The following SLC16A6 variants were observed in gnomAD, a reference collection of about 807,000 sequenced individuals.
SLC16A6 encodes the protein solute carrier family 16 member 6, also known as monocarboxylate transporter 7.
SLC16A6 carries 15 observed loss-of-function variants against 33.8 expected under a neutral mutation model. The ratio of observed to expected loss-of-function variants is 0.44; its 90% CI spans 0.30 to 0.68. The LOEUF (loss-of-function observed/expected upper bound fraction) is 0.68, where lower values mean the gene tolerates loss of function less well. SLC16A6 is among the 30% of genes least tolerant of loss of function. The pLI, the probability that SLC16A6 is intolerant of heterozygous loss-of-function variation, is 0.10. For synonymous variants in SLC16A6, 219 were observed against 248.4 expected, an observed-to-expected ratio of 0.88 and a Z score of 1.11; for missense variants, 451 against 661.5, an observed-to-expected ratio of 0.68 and a Z score of 3.49.
chr17:68,289,393 G>A (rs1280255456), intron 1 of SLC16A6, among the ~76,000 whole-genome samples: 1 of 152,108 alleles, frequency 6.6e-6, no homozygotes, highest in African/African-American at 2.4e-5. Flanking sequence ...TTTGGCCCGA[G>A]GGCATGAAAA....
At chr17:68,275,373 A>G (rs2145015761) in intron 2 of SLC16A6, among the ~76,000 whole-genome samples, 1 of 152,314 alleles carries the variant, frequency 6.6e-6, no homozygotes, top group South Asian at 2.1e-4. Flanking sequence ...GTCTATATGT[A>G]TCTACTATGT....
At chr17:68,278,580 A>G (rs1370834966) in intron 1 of SLC16A6, among the ~76,000 whole-genome samples, 2 of 150,132 alleles carry the variant, frequency 1.3e-5, no homozygotes, top group Non-Finnish European at 3.0e-5. Flanking sequence ...GACTACAGGC[A>G]TGTGCCACCA....
intron 1 of SLC16A6, among the ~76,000 whole-genome samples, chr17:68,286,365 T>A (rs1555754357): frequency 6.6e-6 from 1 of 152,220 alleles, no homozygotes; most frequent in African/African-American, 2.4e-5. Flanking sequence ...CTTTTTCAAT[T>A]CCTTTTTGTA....
In SLC16A6 at chr17:68,278,258, T is replaced by G; in HGVS notation, c.63A>C (p.Gly21=). Reference sequence around the variant, plus strand: ...AAACAGCTACCGCCCAGCCCCATCCTCCATCAGGCACTTCAGTATACACAT... The same window carrying G: ...AAACAGCTACCGCCCAGCCCCATCCGCCATCAGGCACTTCAGTATACACAT... The part of the protein sequence containing the change: ...KANVYTEVPD[G]GWGWAVAVSF... Residue 21 remains glycine (G), a synonymous_variant, in exon 2 of 6, where the codon GGA becomes GGC. Transcript: ENST00000580666. 1.9e-6 allele frequency: 3 copies of G among 1,614,198 alleles called. No homozygotes were observed. The highest frequency in any genetic ancestry group is 2.5e-6 in the Non-Finnish European group (3 of 1,180,022).
At chr17:68,273,362 A>G (rs901628883) in intron 3 of SLC16A6, among the ~76,000 whole-genome samples, 1 of 152,050 alleles carries the variant, frequency 6.6e-6, no homozygotes, top group South Asian at 2.1e-4. Flanking sequence ...AGCTGGGACC[A>G]CAGGCACGCA....
intron 1 of SLC16A6, 104 bp from the exon 2 acceptor site, chr17:68,278,431 T>A (rs1195327845): frequency 1.5e-6 from 1 of 677,370 alleles, no homozygotes; most frequent in Admixed American, 2.9e-5. Context: ...ACCCCATTTC[T>A]TAAGTTGTTG....
At chr17:68,290,407 T>G (rs1476239599) in intron 1 of SLC16A6, among the ~76,000 whole-genome samples, 1 of 152,240 alleles carries the variant, frequency 6.6e-6, no homozygotes, top group Non-Finnish European at 1.5e-5. Flanking sequence ...GCTACGGAAC[T>G]GCTTGGCGAC....
chr17:68,286,935 G>A (rs922963463), intron 1 of SLC16A6, among the ~76,000 whole-genome samples: 1 of 152,214 alleles, frequency 6.6e-6, no homozygotes, highest in East Asian at 1.9e-4. Context: ...TAGCTAGCTG[G>A]TCATTGCTTA....
chr17:68,274,817 G>C (rs2145006508), intron 2 of SLC16A6, among the ~76,000 whole-genome samples: 1 of 147,770 alleles, frequency 6.8e-6, no homozygotes, highest in Admixed American at 6.7e-5. Flanking sequence ...TTTTGCTCTT[G>C]TTTTCTAGGC....
At chr17:68,283,373 T>C (rs1026791736) in intron 1 of SLC16A6, among the ~76,000 whole-genome samples, 1 of 151,548 alleles carries the variant, frequency 6.6e-6, no homozygotes. Flanking sequence ...ACAAAAAAAT[T>C]AGCCAGGCGT....
At chr17:68,291,173 A>G (rs570369169), upstream of SLC16A6, 1 of 152,000 alleles carries the variant, frequency 6.6e-6, no homozygotes, top group Admixed American at 6.5e-5. Flanking sequence ...GCTCGGTAAC[A>G]TGAGAAAAGG....
At chr17:68,277,971 G>T in intron 2 of SLC16A6, 118 bp downstream of exon 2, 10 of 671,336 alleles carry the variant, frequency 1.5e-5, no homozygotes, top group South Asian at 7.8e-5. Context: ...GGCTAGGAAG[G>T]ACCAACAGGC....
At chr17:68,287,163 A>C (rs534697978) in intron 1 of SLC16A6, among the ~76,000 whole-genome samples, 1 of 152,136 alleles carries the variant, frequency 6.6e-6, no homozygotes, top group East Asian at 1.9e-4. Flanking sequence ...TTGTTTTAGT[A>C]GAGATGGAGT....
chr17:68,268,014 TAAAAC>T lies in SLC16A6; in HGVS notation c.*1077_*1081del, dbSNP rs1555746970. The T allele has an allele frequency of 6.6e-6, 1 of 152,254 alleles. No individual in the cohort carries two copies. The highest frequency in any genetic ancestry group is 2.4e-5 in the African/African-American group (1 of 41,478). The allele number at this position is 152,254 out of a possible 1,614,324, so 9.4% of individuals were successfully genotyped here. A position where few individuals can be genotyped will look rare whatever the true frequency, so the allele number is the denominator to read the frequency against. ...AAGTTCCTCAAGTATTCTTAAATGA[TAAAAC>T]AAATTAGTTTTGAAAGCTAAGGCGA... On this transcript the variant is annotated 3_prime_UTR_variant, in exon 6 of 6. Transcript: ENST00000580666.
rs571877202 is a variant in SLC16A6 at position 68,267,594 on chromosome 17, G to T, written c.*1502C>A. 6.6e-6 allele frequency: 1 copy of T among 152,144 alleles called. No homozygotes were observed. Among genetic ancestry groups the T allele is most frequent in the Non-Finnish European group, 1.5e-5 (1 of 68,024 alleles). 9.4% of individuals were successfully genotyped at this position (152,144 alleles called of 1,614,324 possible). A position where few individuals can be genotyped will look rare whatever the true frequency, so the allele number is the denominator to read the frequency against. ...TGAGTTGTCATAAATTAACATTAAC[G>T]ATGAATAAAGATGGAGCAGCAAGCA... On this transcript the variant is annotated 3_prime_UTR_variant, in exon 6 of 6. Coordinates refer to ENST00000580666, the MANE Select transcript of SLC16A6 (RefSeq NM_004694.5).
rs201370981 is a variant in SLC16A6, at chr17:68,269,074, G to C, written c.*22C>G. 5.1e-4 allele frequency: 808 copies of C among 1,571,204 alleles called. 9 individuals are homozygous for C. The highest frequency in any genetic ancestry group is 5.9e-4 in the Non-Finnish European group (690 of 1,159,970). On this transcript the variant is annotated 3_prime_UTR_variant, in exon 6 of 6. Transcript: ENST00000580666. ...CCATCCCTCTCCAGCCAACACAGTG[G>C]CTGTTGTTGTAAGAAAGTGTGTCAT...
At chr17:68,286,101 C>T (rs1215837300) in intron 1 of SLC16A6, among the ~76,000 whole-genome samples, 11 of 152,104 alleles carry the variant, frequency 7.2e-5, no homozygotes, top group Non-Finnish European at 1.2e-4. Flanking sequence ...CCATGTGGAC[C>T]GGGCTGTGGG....
chr17:68,289,843 C>T (rs2075928310), intron 1 of SLC16A6, among the ~76,000 whole-genome samples: 1 of 152,162 alleles, frequency 6.6e-6, no homozygotes. Flanking sequence ...ACTCATTACA[C>T]TGGAAGGAGC....
intron 2 of SLC16A6, 178 bp from the exon 3 acceptor site, chr17:68,274,248 T>C: frequency 1.8e-6 from 1 of 561,186 alleles, no homozygotes; most frequent in Non-Finnish European, 3.0e-6. Flanking sequence ...GGAGGATCGC[T>C]TGAGCCCAGG....
Sources: allele counts gnomAD v4.1 joint callset (sites outside exome capture counted in the v4.1 genomes callset), GRCh38; gene constraint gnomAD v4.1.1; transcripts MANE v1.5; gene names NCBI Gene and HGNC (gene_info 2026-07-23, HGNC 2026-07-21).